The following MINAR2 variants were observed in gnomAD, a reference collection of about 807,000 sequenced individuals.
The protein encoded by MINAR2 is major intrinsically disordered NOTCH2-binding receptor 1-like.
In MINAR2, 21 loss-of-function variants were observed where a neutral mutation model predicts 16.1. The ratio of observed to expected loss-of-function variants is 1.31; its 90% CI spans 0.93 to 1.88. The LOEUF (loss-of-function observed/expected upper bound fraction) is 1.88. Ranked by LOEUF, MINAR2 falls within the 40% of genes most tolerant of loss-of-function variation. The pLI is 0.00. For missense variants in MINAR2, 259 were observed against 229.8 expected (o/e 1.13, Z -0.82); for synonymous variants, 86 against 83.0 (o/e 1.04, Z -0.20).
Position 129,765,164 on chromosome 5 carries a change from GCAGTGTGAATGGAT to G in MINAR2, c.*102_*115del. The G allele has an allele frequency of 1.7e-6, 1 of 594,940 alleles. No homozygotes were observed. The highest frequency in any genetic ancestry group is 2.5e-6 in the Non-Finnish European group (1 of 399,028). The allele number at this position is 594,940 out of a possible 1,614,324, so 36.9% of individuals were successfully genotyped here. On this transcript the variant is annotated 3_prime_UTR_variant, in exon 3 of 3. Transcript: ENST00000564719. ...AAATAACAAAAAAACACATGTACAT[GCAGTGTGAATGGAT>G]TGTTGATTGTATTATTAAATGTAAT... is the stretch of plus-strand genomic sequence containing the variant.
intron 1 of MINAR2, among the ~76,000 whole-genome samples, chr5:129,757,161 A>T (rs1758066683): frequency 6.6e-6 from 1 of 151,728 alleles, no homozygotes; most frequent in Admixed American, 6.6e-5. Context: ...AGTGTCACAA[A>T]AAAAGAAAGT....
chr5:129,760,419 C>T lies in MINAR2; in HGVS notation c.207C>T (p.Ser69=). 6.5e-7 allele frequency: 1 copy of T among 1,535,670 alleles called. No homozygotes were observed. The highest frequency in any genetic ancestry group is 1.2e-5 in the South Asian group (1 of 84,042). The part of the protein sequence containing the change: ...KNIAAQRIRG[S]SADSLVTADS... Reference sequence around the variant, plus strand: ...TTGCTGCTCAACGAATTAGGGGATCCAGTGCAGACAGCCTTGTCACTGCTG... The same window carrying T: ...TTGCTGCTCAACGAATTAGGGGATCTAGTGCAGACAGCCTTGTCACTGCTG... The change falls in exon 2 of 3, where the codon TCC becomes TCT. Residue 69 remains serine (S), a synonymous_variant. Coordinates refer to ENST00000564719, the MANE Select transcript of MINAR2 (RefSeq NM_001257308.2).
intron 1 of MINAR2, among the ~76,000 whole-genome samples, chr5:129,749,237 A>G (rs1011702018): frequency 6.6e-6 from 1 of 152,154 alleles, no homozygotes; most frequent in Non-Finnish European, 1.5e-5. Context: ...CAAGTCATTA[A>G]ATCCTTTGGA....
Position 129,765,386 on chromosome 5 carries a change from T to C in MINAR2, c.*323T>C, listed in dbSNP as rs1758199371. The C allele has an allele frequency of 4.7e-6, 1 of 213,574 alleles. No individual in the cohort carries two copies. The highest frequency in any genetic ancestry group is 2.3e-5 in the African/African-American group (1 of 44,182). The allele number at this position is 213,574 out of a possible 1,614,324, so 13.2% of individuals were successfully genotyped here. A position where few individuals can be genotyped will look rare whatever the true frequency, so the allele number is the denominator to read the frequency against. On this transcript the variant is annotated 3_prime_UTR_variant, in exon 3 of 3. Coordinates refer to ENST00000564719, the MANE Select transcript of MINAR2 (RefSeq NM_001257308.2). ...TATAGGGAGCAAACAGTATCAAAAA[T>C]TGTCAGCAGCTTTGTTTTCATGCTT...
intron 1 of MINAR2, among the ~76,000 whole-genome samples, chr5:129,756,934 TAA>T (rs34547893): frequency 0.14 from 10,314 of 74,354 alleles, 682 homozygotes; most frequent in African/African-American, 0.32. Flanking sequence ...CTTTCCACAG[TAA>T]AAAAAAAAAA....
intron 1 of MINAR2, among the ~76,000 whole-genome samples, chr5:129,751,824 A>G (rs1252044865): frequency 1.3e-5 from 2 of 152,210 alleles, no homozygotes; most frequent in East Asian, 1.9e-4. Context: ...ACCCCTTTAT[A>G]AAACAAGTAA....
Position 129,764,950 on chromosome 5 carries a change from A to G in MINAR2, c.460A>G (p.Lys154Glu). The change falls in exon 3 of 3, where the codon AAA (lysine) becomes GAA (glutamate). Residue 154 changes from lysine to glutamate, a missense_variant. By Grantham distance (56) the Lys-to-Glu change is moderately conservative. Coordinates refer to ENST00000564719, the MANE Select transcript of MINAR2 (RefSeq NM_001257308.2). ...CACTCCAGGTTTTGACACTTTATTG[A>G]AAAAGGAAGAGAAACAAGAGAAGCA... ...MYTPGFDTLLKKEEKQEKHSK... is the reference protein window; with the variant it reads ...MYTPGFDTLLEKEEKQEKHSK... 7.1e-7 allele frequency: 1 copy of G among 1,403,322 alleles called. No individual in the cohort carries two copies. The highest frequency in any genetic ancestry group is 1.7e-5 in the South Asian group (1 of 57,970). The allele number at this position is 1,403,322 out of a possible 1,614,324, so 86.9% of individuals were successfully genotyped here.
intron 1 of MINAR2, among the ~76,000 whole-genome samples, chr5:129,751,224 T>C (rs115582092): frequency 0.035 from 5,262 of 152,204 alleles, 304 homozygotes; most frequent in African/African-American, 0.12. Context: ...TTTTTTTCTT[T>C]CTGAGACATA....
chr5:129,759,932 G>A (rs1162065737), intron 1 of MINAR2, among the ~76,000 whole-genome samples: 1 of 152,066 alleles, frequency 6.6e-6, no homozygotes, highest in East Asian at 1.9e-4. Flanking sequence ...TGTGAAAGTC[G>A]AGGCATATCT....
intron 1 of MINAR2, among the ~76,000 whole-genome samples, chr5:129,751,467 C>T (rs1757983957): frequency 6.6e-6 from 1 of 152,152 alleles, no homozygotes; most frequent in African/African-American, 2.4e-5. Context: ...TTTGGCCTCC[C>T]AAAGTGCTCA....
At chr5:129,764,102 A>G (rs1222750640) in intron 2 of MINAR2, among the ~76,000 whole-genome samples, 1 of 152,248 alleles carries the variant, frequency 6.6e-6, no homozygotes, top group Non-Finnish European at 1.5e-5. Flanking sequence ...ATGTATTTTT[A>G]TAAATGTATG....
chr5:129,763,140 A>G (rs1181250049), intron 2 of MINAR2, among the ~76,000 whole-genome samples: 1 of 152,116 alleles, frequency 6.6e-6, no homozygotes, highest in Non-Finnish European at 1.5e-5. Flanking sequence ...TACAATTAGG[A>G]CCTGCTCCCT....
chr5:129,754,418 T>C (rs1284739890), intron 1 of MINAR2, among the ~76,000 whole-genome samples: 3 of 152,178 alleles, frequency 2.0e-5, no homozygotes, highest in Non-Finnish European at 2.9e-5. Flanking sequence ...ACATATGAAA[T>C]ACATGCAAAA....
In MINAR2 at chr5:129,765,035, T is replaced by C. The variant is rs1258427153; in HGVS notation, c.545T>C (p.Ile182Thr). The change falls in exon 3 of 3, where the codon ATA (isoleucine) becomes ACA (threonine). Residue 182 changes from isoleucine (I) to threonine (T), a missense_variant. By Grantham distance (89) the Ile-to-Thr change is moderately conservative. Coordinates refer to ENST00000564719, the MANE Select transcript of MINAR2 (RefSeq NM_001257308.2). ...GTCGTTATCTCCATCTTGGTTACCA[T>C]AGTGACTATCATTACTTTTTTCACC... ...LLVVISILVT[I>T]VTIITFFT is the part of the protein sequence containing the mutation. 1.5e-6 allele frequency: 2 copies of C among 1,315,104 alleles called. No individual in the cohort carries two copies. The highest frequency in any genetic ancestry group is 1.5e-5 in the African/African-American group (1 of 66,808). 81.5% of individuals were successfully genotyped at this position (1,315,104 alleles called of 1,614,324 possible).
intron 1 of MINAR2, among the ~76,000 whole-genome samples, chr5:129,753,242 G>C (rs1758008145): frequency 6.6e-6 from 1 of 152,052 alleles, no homozygotes; most frequent in Non-Finnish European, 1.5e-5. Flanking sequence ...CCAGCACTTT[G>C]GGAGGCTGAG....
chr5:129,756,932 A>G (rs1190467189), intron 1 of MINAR2, among the ~76,000 whole-genome samples: 4 of 79,914 alleles, frequency 5.0e-5, no homozygotes, highest in Non-Finnish European at 9.7e-5. Flanking sequence ...GGCTTTCCAC[A>G]GTAAAAAAAA....
chr5:129,753,480 C>CAAAAAAAAA (rs758914420), intron 1 of MINAR2, among the ~76,000 whole-genome samples: 2 of 100,792 alleles, frequency 2.0e-5, no homozygotes, highest in African/African-American at 4.2e-5. Context: ...AAGACTGTCT[C>CAAAAAAAAA]AAAAAAAAAA....
intron 2 of MINAR2, among the ~76,000 whole-genome samples, chr5:129,763,009 G>T (rs1758158366): frequency 6.6e-6 from 1 of 152,158 alleles, no homozygotes. Flanking sequence ...AAAAATGTTT[G>T]AATGCTACAC....
At chr5:129,752,603 A>G (rs1349343639) in intron 1 of MINAR2, among the ~76,000 whole-genome samples, 1 of 152,136 alleles carries the variant, frequency 6.6e-6, no homozygotes, top group Non-Finnish European at 1.5e-5. Context: ...GGATAGCATT[A>G]GGACAAATAC....
Sources: gnomAD v4.1 joint callset for allele counts (sites outside exome capture counted in the v4.1 genomes callset) on GRCh38, gnomAD v4.1.1 for gene constraint, MANE v1.5 for transcripts, NCBI Gene and HGNC (gene_info 2026-07-23, HGNC 2026-07-21) for gene names.